The following ELAPOR2 variants were observed in gnomAD, a reference collection of about 807,000 sequenced individuals.
ELAPOR2 encodes endosome-lysosome associated apoptosis and autophagy regulator family member 2.
ELAPOR2 carries 89 observed loss-of-function variants against 120.7 expected under a neutral mutation model. The ratio of observed to expected loss-of-function variants is 0.74; its 90% confidence interval spans 0.62 to 0.88. ELAPOR2 has a LOEUF of 0.88. Ranked by LOEUF, ELAPOR2 falls within the 40% of genes least tolerant of loss-of-function variation. ELAPOR2 has a pLI of 0.00. For synonymous variants in ELAPOR2, 444 were observed against 444.9 expected, an observed-to-expected ratio of 1.00 and a Z score of 0.03; for missense variants, 1,134 against 1,251.6, an observed-to-expected ratio of 0.91 and a Z score of 1.42.
chr7:87,011,042 C>G (rs1471396980), intron 1 of ELAPOR2, among the ~76,000 whole-genome samples: 1 of 151,776 alleles, frequency 6.6e-6, no homozygotes, highest in Non-Finnish European at 1.5e-5. Context: ...CCAAGGCGGG[C>G]GGGTCATGAG....
At chr7:86,941,623 C>T (rs1790799527) in intron 5 of ELAPOR2, among the ~76,000 whole-genome samples, 2 of 151,998 alleles carry the variant, frequency 1.3e-5, no homozygotes, top group African/African-American at 4.8e-5. Flanking sequence ...ATGAAAAGAG[C>T]CACTAATTCG....
chr7:87,027,456 TAA>T (rs1444309902), intron 1 of ELAPOR2, among the ~76,000 whole-genome samples: 1 of 152,134 alleles, frequency 6.6e-6, no homozygotes, highest in South Asian at 2.1e-4. Context: ...TATGGGAAAG[TAA>T]AGTGTTATGG....
At chr7:86,938,084 T>C (rs1459361069) in intron 8 of ELAPOR2, 42 bp downstream of exon 8, 2 of 1,421,846 alleles carry the variant, frequency 1.4e-6, no homozygotes, top group Non-Finnish European at 1.9e-6. Context: ...GGAAAGAAGG[T>C]TGCAAAAATA....
At chr7:86,999,560 T>G (rs962379700) in intron 1 of ELAPOR2, among the ~76,000 whole-genome samples, 4 of 152,242 alleles carry the variant, frequency 2.6e-5, no homozygotes, top group African/African-American at 9.6e-5. Context: ...AATTAGCAAA[T>G]AGACCATTCT....
chr7:86,989,444 G>A (rs988456128), intron 1 of ELAPOR2, among the ~76,000 whole-genome samples: 1 of 152,152 alleles, frequency 6.6e-6, no homozygotes, highest in African/African-American at 2.4e-5. Flanking sequence ...AATTGTAAAC[G>A]TAAACAAGTA....
chr7:86,984,403 G>A (rs1792633417), intron 1 of ELAPOR2, among the ~76,000 whole-genome samples: 1 of 152,116 alleles, frequency 6.6e-6, no homozygotes, highest in Non-Finnish European at 1.5e-5. Flanking sequence ...GCACCACATT[G>A]CACTTATTCC....
Position 86,961,397 on chromosome 7 carries a change from T to A in ELAPOR2, c.310+3507A>T, listed in dbSNP as rs151126180. Among the ~76,000 whole-genome samples, 12 of 152,256 alleles carry A rather than the reference T, an allele frequency of 7.9e-5. No homozygotes were observed. In the East Asian group the frequency reaches 2.1e-3, roughly 27 times the overall value. ...CAATTGAAGAGCTATACTCCCCAAA[T>A]AAGAGAATATAAAAGGGAGAAATAC... is the stretch of plus-strand genomic sequence containing the variant. On this transcript the variant is annotated intron_variant, in intron 2 of 21. Coordinates refer to ENST00000450689, the MANE Select transcript of ELAPOR2 (RefSeq NM_001142749.3).
intron 1 of ELAPOR2, among the ~76,000 whole-genome samples, chr7:87,040,049 T>C (rs1794720900): frequency 6.6e-6 from 1 of 152,206 alleles, no homozygotes; most frequent in Non-Finnish European, 1.5e-5. Flanking sequence ...ACTCGAATAC[T>C]GCGCTTTTCC....
At chr7:86,915,397 G>T (rs1251606451) in intron 12 of ELAPOR2, among the ~76,000 whole-genome samples, 1 of 151,822 alleles carries the variant, frequency 6.6e-6, no homozygotes, top group Non-Finnish European at 1.5e-5. Flanking sequence ...TAATGTTCAT[G>T]AAATCCTCTC....
At chr7:86,997,518 A>T (rs1793164828) in intron 1 of ELAPOR2, among the ~76,000 whole-genome samples, 1 of 152,156 alleles carries the variant, frequency 6.6e-6, no homozygotes, top group South Asian at 2.1e-4. Flanking sequence ...TTATCCACCA[A>T]TTTCTCCATA....
intron 21 of ELAPOR2, 176 bp downstream of exon 21, chr7:86,891,548 G>T: frequency 2.0e-6 from 1 of 512,666 alleles, no homozygotes; most frequent in African/African-American, 2.0e-5. Context: ...CGAAAACAAT[G>T]CTGCAGTGAA....
At chr7:86,883,972 T>C (rs1799564647) in intron 21 of ELAPOR2, among the ~76,000 whole-genome samples, 1 of 152,168 alleles carries the variant, frequency 6.6e-6, no homozygotes, top group South Asian at 2.1e-4. Context: ...GCAATTTACT[T>C]TGAAACCGAA....
At chr7:86,892,778 A>G in intron 20 of ELAPOR2, 144 bp downstream of exon 20, 1 of 596,078 alleles carries the variant, frequency 1.7e-6, no homozygotes, top group Non-Finnish European at 2.6e-6. Context: ...TGCTTTCTCA[A>G]GGCCTTTCCT....
At chr7:86,952,503 A>G (rs1358915265) in intron 2 of ELAPOR2, among the ~76,000 whole-genome samples, 1 of 152,230 alleles carries the variant, frequency 6.6e-6, no homozygotes, top group African/African-American at 2.4e-5. Flanking sequence ...TAATCATCAT[A>G]CATCACATCA....
intron 6 of ELAPOR2, 152 bp from the exon 7 acceptor site, chr7:86,939,112 G>T: frequency 2.6e-6 from 2 of 757,534 alleles, no homozygotes; most frequent in Non-Finnish European, 4.2e-6. Flanking sequence ...CACTAAGAAA[G>T]CATTTATTGT....
intron 1 of ELAPOR2, among the ~76,000 whole-genome samples, chr7:87,004,032 T>A (rs576388522): frequency 6.6e-6 from 1 of 152,094 alleles, no homozygotes; most frequent in Non-Finnish European, 1.5e-5. Context: ...TACAAAGCCA[T>A]CTAAAAAGTC....
chr7:87,022,995 A>C (rs567463585), intron 1 of ELAPOR2, among the ~76,000 whole-genome samples: 17 of 152,090 alleles, frequency 1.1e-4, no homozygotes, highest in Admixed American at 9.8e-4. Context: ...AGATGAGTAG[A>C]TTGCAAAAAT....
chr7:86,920,661 T>C (rs966047292), intron 10 of ELAPOR2: 1 of 152,172 alleles, frequency 6.6e-6, no homozygotes, highest in African/African-American at 2.4e-5. Context: ...TGAATATCAC[T>C]TGTTGAGAGA....
chr7:86,880,583 T>C, intron 21 of ELAPOR2, 53 bp from the exon 22 acceptor site: 2 of 1,153,582 alleles, frequency 1.7e-6, no homozygotes, highest in Non-Finnish European at 2.6e-6. Flanking sequence ...TCGTAAGATT[T>C]TAGGATCTTA....
Sources: gnomAD v4.1 joint callset for allele counts (sites outside exome capture counted in the v4.1 genomes callset) on GRCh38, gnomAD v4.1.1 for gene constraint, MANE v1.5 for transcripts, NCBI Gene and HGNC (gene_info 2026-07-23, HGNC 2026-07-21) for gene names.